Variants in TBC1D31 observed in about 807,000 individuals in gnomAD.
The protein encoded by TBC1D31 is TBC1 domain family member 31, also known as WD repeat domain 67.
A neutral mutation model predicts 132.9 loss-of-function variants in TBC1D31; 99 were observed. The ratio of observed to expected loss-of-function variants is 0.74; its 90% CI spans 0.63 to 0.88. The LOEUF (loss-of-function observed/expected upper bound fraction) is 0.88, where lower values mean the gene tolerates loss of function less well. Among genes scored for constraint, TBC1D31 ranks in the 40% least tolerant of loss-of-function variants. TBC1D31 has a pLI of 0.00. For missense variants in TBC1D31, 1,134 were observed against 1,256.6 expected (o/e 0.90, Z 1.48); for synonymous variants, 385 against 419.4 (o/e 0.92, Z 1.00).
chr8:123,098,690 A>G (rs1047740043), intron 6 of TBC1D31, among the ~76,000 whole-genome samples: 10 of 152,238 alleles, frequency 6.6e-5, no homozygotes, highest in Non-Finnish European at 1.3e-4. Context: ...CCAGTCTCCT[A>G]TTGGCAGTTA....
intron 7 of TBC1D31, among the ~76,000 whole-genome samples, chr8:123,105,072 A>T (rs553276969): frequency 1.6e-4 from 24 of 152,294 alleles, no homozygotes; most frequent in African/African-American, 5.3e-4. Context: ...TTAATCATGT[A>T]TCTTTATTAT....
intron 4 of TBC1D31, among the ~76,000 whole-genome samples, chr8:123,092,729 A>G (rs1002827364): frequency 2.0e-5 from 3 of 151,518 alleles, no homozygotes; most frequent in African/African-American, 7.3e-5. Context: ...GACTTACTGC[A>G]ACCTCCACTT....
rs761575017 is a variant in TBC1D31, at chr8:123,126,162, C to T, written c.1677C>T (p.His559=). ...TTCATGACAAGGAACTGCTGCAACA[C>T]TTCATAGATCATGATATAACCTCCC... ...LAFHDKELLQ[H]FIDHDITSQL... The change falls in exon 12 of 22, where the codon CAC becomes CAT. Residue 559 remains histidine, a synonymous_variant. Coordinates refer to ENST00000287380, the MANE Select transcript of TBC1D31 (RefSeq NM_145647.4). 4.3e-6 allele frequency: 7 copies of T among 1,611,566 alleles called. No individual in the cohort carries two copies. Among genetic ancestry groups the T allele is most frequent in the Non-Finnish European group, 5.9e-6 (7 of 1,179,154 alleles).
At chr8:123,146,946 G>C (rs1822274605) in intron 20 of TBC1D31, among the ~76,000 whole-genome samples, 1 of 152,020 alleles carries the variant, frequency 6.6e-6, no homozygotes. Context: ...CAAAGTGCTG[G>C]GATTATACCT....
At chr8:123,157,499 C>G in the TBC1D31 span, among the ~76,000 whole-genome samples, 1 of 152,064 alleles carries the variant, frequency 6.6e-6, no homozygotes, top group African/African-American at 2.4e-5. Context: ...TGGGTAGCGA[C>G]GACACGGAGA....
At chr8:123,132,897 G>A (rs1025228455) in intron 16 of TBC1D31, among the ~76,000 whole-genome samples, 1 of 152,152 alleles carries the variant, frequency 6.6e-6, no homozygotes, top group African/African-American at 2.4e-5. Flanking sequence ...TTCCCGCAAA[G>A]TAAGCTCAGA....
At chr8:123,105,737 T>C (rs1454831456) in intron 8 of TBC1D31, among the ~76,000 whole-genome samples, 1 of 152,038 alleles carries the variant, frequency 6.6e-6, no homozygotes, top group South Asian at 2.1e-4. Flanking sequence ...ATATAGCTAT[T>C]AATAGAGAAG....
intron 8 of TBC1D31, 71 bp downstream of exon 8, chr8:123,105,535 A>G (rs1817842823): frequency 8.0e-7 from 1 of 1,247,020 alleles, no homozygotes; most frequent in African/African-American, 1.5e-5. Flanking sequence ...CTAAGCCATC[A>G]CCACTCTTCT....
At chr8:123,083,331 A>G (rs62520601) in intron 3 of TBC1D31, 13,822 of 152,730 alleles carry the variant, frequency 0.09, 833 homozygotes, top group Non-Finnish European at 0.13. Context: ...AAAGATACAC[A>G]CAAGTACATC....
chr8:123,094,984 G>T (rs1184002616), intron 5 of TBC1D31, among the ~76,000 whole-genome samples: 1 of 152,152 alleles, frequency 6.6e-6, no homozygotes, highest in Non-Finnish European at 1.5e-5. Flanking sequence ...CTCACAGATT[G>T]TATTTTGTTG....
At chr8:123,085,710 C>T (rs1339799456) in intron 4 of TBC1D31, among the ~76,000 whole-genome samples, 2 of 152,176 alleles carry the variant, frequency 1.3e-5, no homozygotes, top group Non-Finnish European at 2.9e-5. Flanking sequence ...CGCCGGGCCC[C>T]ACTCAGCATA....
intron 10 of TBC1D31, among the ~76,000 whole-genome samples, chr8:123,110,444 ATCAAG>A (rs1357214140): frequency 4.6e-5 from 7 of 152,234 alleles, no homozygotes; most frequent in African/African-American, 1.7e-4. Context: ...AGGAAATATG[ATCAAG>A]TCACAGCAGT....
chr8:123,092,938 A>G (rs1816484582), intron 4 of TBC1D31, among the ~76,000 whole-genome samples: 1 of 151,534 alleles, frequency 6.6e-6, no homozygotes, highest in Admixed American at 6.6e-5. Context: ...CAGCCTCCCA[A>G]GTAGCAGGGA....
chr8:123,148,172 A>G (rs912404016), intron 20 of TBC1D31, among the ~76,000 whole-genome samples: 4 of 152,102 alleles, frequency 2.6e-5, no homozygotes, highest in African/African-American at 2.4e-5. Flanking sequence ...AAAAATACAC[A>G]TGTTCAAGAC....
At chr8:123,121,244 C>T (rs553130668) in intron 11 of TBC1D31, among the ~76,000 whole-genome samples, 48 of 152,270 alleles carry the variant, frequency 3.2e-4, no homozygotes, top group African/African-American at 1.0e-3. Context: ...AGACGTGAGC[C>T]CCTGGCACCC....
intron 6 of TBC1D31, among the ~76,000 whole-genome samples, chr8:123,100,462 G>A (rs543004737): frequency 1.2e-4 from 19 of 152,180 alleles, no homozygotes; most frequent in African/African-American, 4.6e-4. Context: ...TGTAATCCCA[G>A]CTACTCAGCA....
At chr8:123,092,808 AT>A (rs71573666) in intron 4 of TBC1D31, among the ~76,000 whole-genome samples, 5,460 of 103,514 alleles carry the variant, frequency 0.053, 161 homozygotes, top group Admixed American at 0.1. Context: ...CACCCGGCTA[AT>A]TTTTTTTTTT....
intron 5 of TBC1D31, among the ~76,000 whole-genome samples, chr8:123,094,597 TG>T (rs1200137663): frequency 1.3e-5 from 2 of 152,048 alleles, no homozygotes; most frequent in Non-Finnish European, 2.9e-5. Flanking sequence ...TGGAGTGCAA[TG>T]GCACTATCTC....
intron 17 of TBC1D31, among the ~76,000 whole-genome samples, chr8:123,139,498 C>A (rs1821423364): frequency 6.6e-6 from 1 of 152,146 alleles, no homozygotes; most frequent in African/African-American, 2.4e-5. Flanking sequence ...TTAATATATT[C>A]TTTGAACCAG....
Sources: gnomAD v4.1 joint callset for allele counts (sites outside exome capture counted in the v4.1 genomes callset) on GRCh38, gnomAD v4.1.1 for gene constraint, MANE v1.5 for transcripts, NCBI Gene and HGNC (gene_info 2026-07-23, HGNC 2026-07-21) for gene names.